The following ABHD2 variants were observed in gnomAD, a reference collection of about 807,000 sequenced individuals.
The protein encoded by ABHD2 is abhydrolase domain containing 2, acylglycerol lipase.
A neutral mutation model predicts 48.1 loss-of-function variants in ABHD2; 20 were observed. The observed-to-expected ratio is 0.42, with a 90% confidence interval of 0.29 to 0.60. The LOEUF is 0.60. ABHD2 is among the 20% of genes least tolerant of loss of function. The pLI is 0.24. For missense variants in ABHD2, 405 were observed against 550.9 expected (o/e 0.74, Z 2.65); for synonymous variants, 209 against 214.2 (o/e 0.98, Z 0.21).
In ABHD2 at chr15:89,120,951, TGATA is replaced by T. The variant is rs2050040447; in HGVS notation, c.194+4435_194+4438del. On this transcript the variant is annotated intron_variant, in intron 3 of 10. Coordinates refer to ENST00000352732, the MANE Select transcript of ABHD2 (RefSeq NM_152924.5). This position sits in a 1 kb window ranked among gnomAD's most constrained non-coding sequence, Gnocchi z 4.2. The stretch of plus-strand genomic sequence containing the variant: ...TATACTTGCCCCCACAAAATCACGG[TGATA>T]GATATTGTTTAGTAACCTGCTTTCA... 6.6e-6 allele frequency: 1 copy of T among 152,208 alleles called. No individual in the cohort carries two copies. Among genetic ancestry groups the T allele is most frequent in the Non-Finnish European group, 1.5e-5 (1 of 68,030 alleles). The allele number at this position is 152,208 out of a possible 1,614,324, so 9.4% of individuals were successfully genotyped here. A position where few individuals can be genotyped will look rare whatever the true frequency, so the allele number is the denominator to read the frequency against.
intron 5 of ABHD2, among the ~76,000 whole-genome samples, chr15:89,171,219 G>C (rs146835448): frequency 6.1e-4 from 93 of 152,338 alleles, no homozygotes; most frequent in African/African-American, 2.1e-3. Context: ...CTGAGAACTT[G>C]TTAGAAAAGC....
In ABHD2 at chr15:89,100,068, T is replaced by C. The variant is rs2049678079; in HGVS notation, c.-107+11505T>C. On this transcript the variant is annotated intron_variant, in intron 1 of 10. Transcript: ENST00000352732. This position sits in a 1 kb window ranked among gnomAD's most constrained non-coding sequence, Gnocchi z 4.4. Reference sequence around the variant, plus strand: ...CGGTAGAGGAGCTTATGGTCTGGAATGGGAGAAGGAACGTGTGTGTGATCC... The same window carrying C: ...CGGTAGAGGAGCTTATGGTCTGGAACGGGAGAAGGAACGTGTGTGTGATCC... 6.6e-6 allele frequency among the ~76,000 whole-genome samples: 1 copy of C among 152,158 alleles called. No individual in the cohort carries two copies. The highest frequency in any genetic ancestry group is 2.4e-5 in the African/African-American group (1 of 41,430).
At chr15:89,061,170 C>T in the ABHD2 span, among the ~76,000 whole-genome samples, 2 of 151,996 alleles carry the variant, frequency 1.3e-5, no homozygotes, top group African/African-American at 4.8e-5. Context: ...GTAATCCCAG[C>T]ACTTTGGGAG....
At chr15:89,108,167 G>C (rs1248893501) in intron 1 of ABHD2, among the ~76,000 whole-genome samples, 1 of 152,218 alleles carries the variant, frequency 6.6e-6, no homozygotes, top group Non-Finnish European at 1.5e-5. Context: ...TGAGTCATGA[G>C]AGGTAATTTG....
At chr15:89,126,762 T>C (rs1034967861) in intron 3 of ABHD2, among the ~76,000 whole-genome samples, 2 of 152,212 alleles carry the variant, frequency 1.3e-5, no homozygotes, top group African/African-American at 4.8e-5. Flanking sequence ...TGTTTACGCT[T>C]TTCTTTGTCT....
rs1127674 is a variant in ABHD2, at chr15:89,201,388, G to A, written c.*5965G>A. ...ATGCATTCAGTGGGACAGCTTTGCT[G>A]GGTTCCATGTCATTCAATTTATCAT... On this transcript the variant is annotated 3_prime_UTR_variant, in exon 11 of 11. Coordinates refer to ENST00000352732, the MANE Select transcript of ABHD2 (RefSeq NM_152924.5). 9 of 1,154,316 alleles carry A rather than the reference G, an allele frequency of 7.8e-6. No homozygotes were observed. The highest frequency in any genetic ancestry group is 9.0e-6 in the Non-Finnish European group (7 of 773,844). The allele number at this position is 1,154,316 out of a possible 1,614,324, so 71.5% of individuals were successfully genotyped here.
chr15:89,082,265 T>G, the ABHD2 span, among the ~76,000 whole-genome samples: 1 of 152,110 alleles, frequency 6.6e-6, no homozygotes, highest in African/African-American at 2.4e-5. The surrounding 1 kb of genome is among the most constrained non-coding windows in gnomAD (Gnocchi z 4.4). Flanking sequence ...AGAGATAGGG[T>G]CAAAATTATC....
the ABHD2 span, among the ~76,000 whole-genome samples, chr15:89,068,795 GTCTC>G: frequency 2.0e-5 from 2 of 99,202 alleles, no homozygotes; most frequent in African/African-American, 4.2e-5. Context: ...TCAAGAGGGA[GTCTC>G]TCTCTGTTGC....
chr15:89,061,536 C>T, the ABHD2 span, among the ~76,000 whole-genome samples: 1 of 152,084 alleles, frequency 6.6e-6, no homozygotes, highest in African/African-American at 2.4e-5. Flanking sequence ...AATAAACCCG[C>T]ACATATACCT....
upstream of ABHD2, among the ~76,000 whole-genome samples, chr15:89,086,302 C>A (rs576060622): frequency 6.6e-6 from 1 of 152,238 alleles, no homozygotes; most frequent in Non-Finnish European, 1.5e-5. Flanking sequence ...GCTGGGATTA[C>A]AGGCTTGAGC....
Position 89,092,295 on chromosome 15 carries a change from G to A in ABHD2, c.-107+3732G>A, listed in dbSNP as rs1042528379. On this transcript the variant is annotated intron_variant, in intron 1 of 10. Coordinates refer to ENST00000352732, the MANE Select transcript of ABHD2 (RefSeq NM_152924.5). This position sits in a 1 kb window ranked among gnomAD's most constrained non-coding sequence, Gnocchi z 4.4. ...GAGCTTTTTAGAGAAGTGGAACGTT[G>A]GTACCCTTGGATTTGCCTGGTTTCT... Among the ~76,000 whole-genome samples the A allele has an allele frequency of 6.6e-6, 1 of 152,038 alleles. No homozygotes were observed. The highest frequency in any genetic ancestry group is 2.4e-5 in the African/African-American group (1 of 41,384).
intron 3 of ABHD2, among the ~76,000 whole-genome samples, chr15:89,134,222 GTCT>G (rs113695742): frequency 0.018 from 2,715 of 152,206 alleles, 72 homozygotes; most frequent in African/African-American, 0.059. Flanking sequence ...CCTTAGAAAG[GTCT>G]TCTTCACTGC....
At position 89,092,037 on chromosome 15, in the gene ABHD2, A is replaced by G. The variant is rs293376; in HGVS notation, c.-107+3474A>G. On this transcript the variant is annotated intron_variant, in intron 1 of 10. Coordinates refer to ENST00000352732, the MANE Select transcript of ABHD2 (RefSeq NM_152924.5). The surrounding 1 kb of genome is among the most constrained non-coding windows in gnomAD (Gnocchi z 4.4). ...CTGTTTCTTTGTTGATACCATACAG[A>G]TGCTACATTATCTCCTTTCAGGATT... Among the ~76,000 whole-genome samples the G allele has an allele frequency of 0.65, 99,639 of 152,124 alleles. 33,110 individuals carry two copies. Among genetic ancestry groups the G allele is most frequent in the South Asian group, 0.73 (3,514 of 4,826 alleles).
the ABHD2 span, among the ~76,000 whole-genome samples, chr15:89,067,829 T>G: frequency 6.6e-6 from 1 of 152,166 alleles, no homozygotes; most frequent in Non-Finnish European, 1.5e-5. Flanking sequence ...AGTCCAAACC[T>G]TGAGGTAGGT....
chr15:89,076,250 A>G, the ABHD2 span, among the ~76,000 whole-genome samples: 1 of 152,218 alleles, frequency 6.6e-6, no homozygotes, highest in Non-Finnish European at 1.5e-5. Flanking sequence ...AGTACAGTGA[A>G]GTCCAGGTAG....
intron 1 of ABHD2, among the ~76,000 whole-genome samples, chr15:89,089,548 C>G (rs1490428940): frequency 6.6e-6 from 1 of 152,204 alleles, no homozygotes; most frequent in Non-Finnish European, 1.5e-5. Flanking sequence ...GTTGCTGGAC[C>G]TCCAGTTTGT....
At chr15:89,132,217 A>G (rs906907618) in intron 3 of ABHD2, among the ~76,000 whole-genome samples, 7 of 152,334 alleles carry the variant, frequency 4.6e-5, no homozygotes, top group African/African-American at 1.4e-4. Flanking sequence ...GTTCAAATGC[A>G]GGGTCCGCTG....
chr15:89,094,930 G>T lies in ABHD2; in HGVS notation c.-107+6367G>T, dbSNP rs2049588462. ...ATACAAAATATTAGCCGGGCATGGTGGTTCACACTCAGAATCCCAGCTACT... is the reference window on the plus strand; with the variant it reads ...ATACAAAATATTAGCCGGGCATGGTTGTTCACACTCAGAATCCCAGCTACT... On this transcript the variant is annotated intron_variant, in intron 1 of 10. Coordinates refer to ENST00000352732, the MANE Select transcript of ABHD2 (RefSeq NM_152924.5). The surrounding 1 kb of genome is among the most constrained non-coding windows in gnomAD (Gnocchi z 4.7). Among the ~76,000 whole-genome samples, 1 of 151,558 alleles carries T rather than the reference G, an allele frequency of 6.6e-6. No homozygotes were observed. Among genetic ancestry groups the T allele is most frequent in the African/African-American group, 2.4e-5 (1 of 41,204 alleles).
the ABHD2 span, among the ~76,000 whole-genome samples, chr15:89,076,799 T>C: frequency 3.3e-5 from 5 of 152,214 alleles, no homozygotes; most frequent in Admixed American, 6.5e-5. Context: ...TTGTTTTCAT[T>C]TGGATGCTAA....
Sources: gnomAD v4.1 joint callset for allele counts (sites outside exome capture counted in the v4.1 genomes callset) on GRCh38, gnomAD v4.1.1 for gene constraint, Gnocchi (gnomAD v3.1) non-coding constraint, MANE v1.5 for transcripts, NCBI Gene and HGNC (gene_info 2026-07-23, HGNC 2026-07-21) for gene names.